The following VAT1L variants were observed in gnomAD, a reference collection of about 807,000 sequenced individuals.
VAT1L encodes vesicle amine transport 1 like.
A neutral mutation model predicts 44.1 loss-of-function variants in VAT1L; 34 were observed. The ratio of observed to expected loss-of-function variants is 0.77; its 90% CI spans 0.59 to 1.03. The LOEUF (loss-of-function observed/expected upper bound fraction) is 1.03, where lower values mean the gene tolerates loss of function less well. Ranked by LOEUF, VAT1L falls within the 50% of genes least tolerant of loss-of-function variation. VAT1L has a pLI of 0.00. For missense variants in VAT1L, 615 were observed against 538.8 expected, an observed-to-expected ratio of 1.14 and a Z score of -1.40; for synonymous variants, 253 against 202.2, an observed-to-expected ratio of 1.25 and a Z score of -2.13.
chr16:77,797,433 A>G (rs1040548694), intron 1 of VAT1L, among the ~76,000 whole-genome samples: 5 of 152,146 alleles, frequency 3.3e-5, no homozygotes, highest in Non-Finnish European at 4.4e-5. Flanking sequence ...TTAGGATGCT[A>G]GCTTTCAAAG....
At chr16:77,811,053 G>A (rs1360757210) in intron 1 of VAT1L, among the ~76,000 whole-genome samples, 1 of 152,160 alleles carries the variant, frequency 6.6e-6, no homozygotes, top group Non-Finnish European at 1.5e-5. Flanking sequence ...TATAGGATGA[G>A]GCTCTATAAT....
At chr16:77,886,544 A>G (rs1268309457) in intron 7 of VAT1L, among the ~76,000 whole-genome samples, 7 of 152,170 alleles carry the variant, frequency 4.6e-5, no homozygotes, top group Non-Finnish European at 7.3e-5. Flanking sequence ...CCCCTTGGTT[A>G]CAATGGTAAT....
chr16:77,903,049 A>ATGTGTGC (rs2017401565), intron 7 of VAT1L, among the ~76,000 whole-genome samples: 1 of 152,116 alleles, frequency 6.6e-6, no homozygotes, highest in African/African-American at 2.4e-5. Context: ...CATAGTAGAT[A>ATGTGTGC]ATACTTTTAA....
chr16:77,863,914 T>C (rs529225040), intron 4 of VAT1L, among the ~76,000 whole-genome samples: 7 of 152,256 alleles, frequency 4.6e-5, no homozygotes, highest in Admixed American at 1.3e-4. Flanking sequence ...GGGGCTATGA[T>C]TGATTTGAGT....
rs966227569 is a variant in VAT1L, at chr16:77,788,575, G to T, written c.-108G>T. The T allele has an allele frequency of 3.1e-6, 4 of 1,292,120 alleles. No individual in the cohort carries two copies. The East Asian group carries it at 7.7e-5, about 25-fold the overall frequency. The allele number at this position is 1,292,120 out of a possible 1,614,324, so 80.0% of individuals were successfully genotyped here. A position where few individuals can be genotyped will look rare whatever the true frequency, so the allele number is the denominator to read the frequency against. On this transcript the variant is annotated 5_prime_UTR_variant, in exon 1 of 9. Coordinates refer to ENST00000302536, the MANE Select transcript of VAT1L (RefSeq NM_020927.3). ...CAGAGGCTGCAGCCATTGCACAGCCGAGCATCCCACATTCAACAGGAGGAA... is the reference window on the plus strand; with the variant it reads ...CAGAGGCTGCAGCCATTGCACAGCCTAGCATCCCACATTCAACAGGAGGAA...
chr16:77,937,221 G>A (rs973633685), intron 7 of VAT1L, among the ~76,000 whole-genome samples: 1 of 152,146 alleles, frequency 6.6e-6, no homozygotes, highest in African/African-American at 2.4e-5. Context: ...AGTAGCCCCA[G>A]CCTGAGCCTC....
intron 7 of VAT1L, among the ~76,000 whole-genome samples, chr16:77,970,759 A>T (rs1236076038): frequency 1.3e-5 from 2 of 152,238 alleles, no homozygotes; most frequent in Non-Finnish European, 2.9e-5. Flanking sequence ...GAATACAAAC[A>T]TTTTAATAGC....
intron 7 of VAT1L, among the ~76,000 whole-genome samples, chr16:77,961,576 C>G (rs418128): frequency 1.3e-5 from 2 of 152,164 alleles, no homozygotes; most frequent in Non-Finnish European, 2.9e-5. Context: ...CACCACGGTT[C>G]TTCATTTGAC....
intron 2 of VAT1L, among the ~76,000 whole-genome samples, chr16:77,824,889 C>T (rs1324903582): frequency 1.2e-5 from 1 of 83,904 alleles, no homozygotes; most frequent in Admixed American, 1.8e-4. Flanking sequence ...TTTTTGGAGG[C>T]AGAGTCTTGC....
At chr16:77,962,777 A>AAGGAAGGAAGGAAGGAAGGAAGGG in intron 7 of VAT1L, among the ~76,000 whole-genome samples, 1 of 151,748 alleles carries the variant, frequency 6.6e-6, no homozygotes, top group East Asian at 2.0e-4. Context: ...GGAAGGAAGG[A>AAGGAAGGAAGGAAGGAAGGAAGGG]AAGAAAGAGA....
chr16:77,942,103 A>G (rs2017892430), intron 7 of VAT1L, among the ~76,000 whole-genome samples: 1 of 152,312 alleles, frequency 6.6e-6, no homozygotes, highest in Middle Eastern at 3.4e-3. Context: ...TGATAAATAC[A>G]TACCTGAGAC....
chr16:77,798,151 G>T (rs1264271891), intron 1 of VAT1L, among the ~76,000 whole-genome samples: 2 of 152,096 alleles, frequency 1.3e-5, no homozygotes, highest in Non-Finnish European at 2.9e-5. Context: ...CAAAGCATTG[G>T]GTCCTCTCAC....
At chr16:77,927,395 C>T (rs2017682137) in intron 7 of VAT1L, among the ~76,000 whole-genome samples, 1 of 151,156 alleles carries the variant, frequency 6.6e-6, no homozygotes, top group Non-Finnish European at 1.5e-5. Flanking sequence ...CTACTGTTGT[C>T]CCTACTTTAC....
chr16:77,908,768 G>T (rs1451766100), intron 7 of VAT1L, among the ~76,000 whole-genome samples: 1 of 151,976 alleles, frequency 6.6e-6, no homozygotes, highest in African/African-American at 2.4e-5. Context: ...CAAAAAATTA[G>T]CCGGACGTGG....
chr16:77,921,379 G>A (rs929534319), intron 7 of VAT1L, among the ~76,000 whole-genome samples: 5 of 152,170 alleles, frequency 3.3e-5, no homozygotes, highest in Admixed American at 3.3e-4. Context: ...ACGGGTGCTT[G>A]ATAACTTTAT....
rs1293068335 is a variant in VAT1L, at chr16:77,979,879, G to C, written c.*2184G>C. 6.6e-6 allele frequency: 1 copy of C among 152,594 alleles called. No homozygotes were observed. The highest frequency in any genetic ancestry group is 1.5e-5 in the Non-Finnish European group (1 of 68,030). 9.5% of individuals were successfully genotyped at this position (152,594 alleles called of 1,614,324 possible). ...ATTGTTTAACGTACTCTCATTTTAA[G>C]CACCTTCTTTCCTGTCTCTTGATTG... is the stretch of plus-strand genomic sequence containing the variant. On this transcript the variant is annotated 3_prime_UTR_variant, in exon 9 of 9. Coordinates refer to ENST00000302536, the MANE Select transcript of VAT1L (RefSeq NM_020927.3).
At chr16:77,951,603 AG>A (rs972912908) in intron 7 of VAT1L, among the ~76,000 whole-genome samples, 4 of 152,176 alleles carry the variant, frequency 2.6e-5, no homozygotes, top group African/African-American at 9.6e-5. Flanking sequence ...TCTTTTAATT[AG>A]CAAAACAAAA....
intron 7 of VAT1L, among the ~76,000 whole-genome samples, chr16:77,900,804 T>A (rs2017373303): frequency 6.6e-6 from 1 of 151,982 alleles, no homozygotes; most frequent in South Asian, 2.1e-4. Flanking sequence ...CTGGCTTTAC[T>A]CCCATACATC....
At chr16:77,908,108 G>A (rs1041191678) in intron 7 of VAT1L, among the ~76,000 whole-genome samples, 12 of 151,890 alleles carry the variant, frequency 7.9e-5, no homozygotes, top group East Asian at 3.9e-4. Flanking sequence ...GTGTGGTGGC[G>A]GACGCCTGTA....
Sources: allele counts gnomAD v4.1 joint callset (sites outside exome capture counted in the v4.1 genomes callset), GRCh38; gene constraint gnomAD v4.1.1; transcripts MANE v1.5; gene names NCBI Gene and HGNC (gene_info 2026-07-23, HGNC 2026-07-21).